RANBP2: variants seen among roughly 807,000 people sequenced by gnomAD.
RANBP2 encodes the protein RAN binding protein 2.
In RANBP2, 57 loss-of-function variants were observed where a neutral mutation model predicts 303.6. The ratio of observed to expected loss-of-function variants is 0.19; its 90% confidence interval spans 0.15 to 0.23. The LOEUF (loss-of-function observed/expected upper bound fraction) is 0.23, where lower values mean the gene tolerates loss of function less well. Among genes scored for constraint, RANBP2 ranks in the 10% least tolerant of loss-of-function variants. The pLI, the probability that RANBP2 is intolerant of heterozygous loss-of-function variation, is 1.00. For synonymous variants in RANBP2, 1,167 were observed against 1,301.5 expected (o/e 0.90, Z 2.23); for missense variants, 3,138 against 3,780.8 (o/e 0.83, Z 4.46).
chr2:108,725,806 G>C (rs1399106787), intron 1 of RANBP2, among the ~76,000 whole-genome samples: 1 of 151,048 alleles, frequency 6.6e-6, no homozygotes, highest in Non-Finnish European at 1.5e-5. Flanking sequence ...TTTTTGTTAA[G>C]ATTGCTGTAG....
the RANBP2 span, among the ~76,000 whole-genome samples, chr2:109,359,593 T>C: frequency 6.6e-6 from 1 of 152,232 alleles, no homozygotes; most frequent in African/African-American, 2.4e-5. Flanking sequence ...TAAATTTCAT[T>C]TGTCCATTCC....
At chr2:109,130,402 T>G in the RANBP2 span, among the ~76,000 whole-genome samples, 10 of 152,310 alleles carry the variant, frequency 6.6e-5, no homozygotes, top group African/African-American at 2.4e-4. Context: ...CCTCTTAAAC[T>G]TAGCATCGCC....
At chr2:109,441,062 CAA>C in the RANBP2 span, among the ~76,000 whole-genome samples, 6 of 146,078 alleles carry the variant, frequency 4.1e-5, no homozygotes, top group Non-Finnish European at 8.9e-5. Flanking sequence ...AAACAACACT[CAA>C]GAGTCAAACT....
At chr2:109,022,085 C>T in the RANBP2 span, among the ~76,000 whole-genome samples, 1 of 152,346 alleles carries the variant, frequency 6.6e-6, no homozygotes, top group Non-Finnish European at 1.5e-5. Context: ...CTTGTTATAT[C>T]TGGCAGGCAC....
At chr2:109,675,217 T>A in the RANBP2 span, among the ~76,000 whole-genome samples, 1 of 152,218 alleles carries the variant, frequency 6.6e-6, no homozygotes, top group Non-Finnish European at 1.5e-5. Flanking sequence ...TGTGTCCCTC[T>A]GTCTGATCTT....
At chr2:109,205,560 CTCTT>C in the RANBP2 span, among the ~76,000 whole-genome samples, 3 of 152,158 alleles carry the variant, frequency 2.0e-5, no homozygotes, top group Non-Finnish European at 4.4e-5. Flanking sequence ...ACTTATGTGA[CTCTT>C]TATGCTCACA....
the RANBP2 span, among the ~76,000 whole-genome samples, chr2:109,489,279 G>C: frequency 6.6e-6 from 1 of 152,236 alleles, no homozygotes; most frequent in South Asian, 2.1e-4. Context: ...CACCTTATCG[G>C]GTGGAGACCC....
At chr2:108,959,728 T>A in the RANBP2 span, among the ~76,000 whole-genome samples, 3 of 152,190 alleles carry the variant, frequency 2.0e-5, no homozygotes, top group Admixed American at 1.3e-4. Flanking sequence ...CCCCAGCGTA[T>A]GAGAGCCAAA....
the RANBP2 span, among the ~76,000 whole-genome samples, chr2:109,686,083 T>C: frequency 4.6e-5 from 7 of 152,176 alleles, no homozygotes; most frequent in African/African-American, 1.7e-4. Context: ...TCTCAATACC[T>C]TTTTATTTTT....
At chr2:109,467,358 G>A in the RANBP2 span, among the ~76,000 whole-genome samples, 2 of 152,232 alleles carry the variant, frequency 1.3e-5, no homozygotes, top group East Asian at 1.9e-4. Context: ...GCGCAAAATC[G>A]GCCAAGAGCC....
the RANBP2 span, among the ~76,000 whole-genome samples, chr2:109,417,472 T>A: frequency 6.6e-6 from 1 of 152,304 alleles, no homozygotes; most frequent in South Asian, 2.1e-4. Context: ...TCCAGCCCTG[T>A]TCTCACACGG....
At chr2:109,146,121 C>G in the RANBP2 span, among the ~76,000 whole-genome samples, 2 of 152,112 alleles carry the variant, frequency 1.3e-5, no homozygotes, top group African/African-American at 4.8e-5. Flanking sequence ...GGTGAGGTGT[C>G]ACCACTGTTA....
At chr2:108,826,367 C>G in the RANBP2 span, among the ~76,000 whole-genome samples, 1 of 152,094 alleles carries the variant, frequency 6.6e-6, no homozygotes, top group Non-Finnish European at 1.5e-5. Context: ...TGTTTTCTTT[C>G]AAGAGTTTAA....
chr2:108,805,085 C>T, the RANBP2 span: 3 of 756,940 alleles, frequency 4.0e-6, no homozygotes, highest in Non-Finnish European at 5.6e-6. Context: ...TTAAAGTCAG[C>T]CTTAGAACAC....
At chr2:108,804,862 A>G in the RANBP2 span, 3 of 1,481,846 alleles carry the variant, frequency 2.0e-6, no homozygotes, top group Non-Finnish European at 2.7e-6. Flanking sequence ...CAAGTTTTAG[A>G]TGAGAGTTTT....
the RANBP2 span, among the ~76,000 whole-genome samples, chr2:108,944,772 T>C: frequency 6.6e-6 from 1 of 152,110 alleles, no homozygotes; most frequent in Non-Finnish European, 1.5e-5. Context: ...GTCCCAGACC[T>C]TCCTGAGGTC....
At chr2:108,919,132 G>C in the RANBP2 span, among the ~76,000 whole-genome samples, 1 of 152,148 alleles carries the variant, frequency 6.6e-6, no homozygotes, top group Non-Finnish European at 1.5e-5. Context: ...GCCGGTGTCT[G>C]GGAGGCTGGG....
the RANBP2 span, among the ~76,000 whole-genome samples, chr2:109,438,741 T>TAC: frequency 1.1e-3 from 170 of 152,300 alleles, no homozygotes; most frequent in African/African-American, 3.9e-3. Context: ...TAGCTGGGGA[T>TAC]ACAGTCATTG....
At chr2:109,322,667 G>A in the RANBP2 span, among the ~76,000 whole-genome samples, 500 of 152,296 alleles carry the variant, frequency 3.3e-3, 14 homozygotes, top group East Asian at 0.089. Flanking sequence ...TTTTAAAAAG[G>A]ACTCATTAGC....
Sources: allele counts gnomAD v4.1 joint callset (sites outside exome capture counted in the v4.1 genomes callset), GRCh38; gene constraint gnomAD v4.1.1; transcripts MANE v1.5; gene names NCBI Gene and HGNC (gene_info 2026-07-23, HGNC 2026-07-21).